The following KCNN3 variants were observed in gnomAD, a reference collection of about 807,000 sequenced individuals.
KCNN3 encodes the protein potassium calcium-activated channel subfamily N member 3, also known as small conductance calcium-activated potassium channel protein 3.
Under a neutral mutation model 62.9 loss-of-function variants are expected in KCNN3, and 16 were observed. The ratio of observed to expected loss-of-function variants is 0.25; its 90% CI spans 0.17 to 0.39. KCNN3 has a LOEUF of 0.39. Ranked by LOEUF, KCNN3 falls within the 10% of genes least tolerant of loss-of-function variation. KCNN3 has a pLI of 1.00. For missense variants in KCNN3, 599 were observed against 949.4 expected, an observed-to-expected ratio of 0.63 and a Z score of 4.85; for synonymous variants, 370 against 389.2, an observed-to-expected ratio of 0.95 and a Z score of 0.58.
chr1:154,780,837 G>C (rs1021806790), intron 2 of KCNN3, among the ~76,000 whole-genome samples: 2 of 152,102 alleles, frequency 1.3e-5, no homozygotes, highest in South Asian at 4.1e-4. Flanking sequence ...AGGGAGGCGG[G>C]TGGGGGTTGG....
chr1:154,717,729 G>A (rs1175188442), intron 5 of KCNN3, among the ~76,000 whole-genome samples: 5 of 152,198 alleles, frequency 3.3e-5, no homozygotes, highest in East Asian at 3.9e-4. Flanking sequence ...CCGTGCATTC[G>A]GGAAAGTGAT....
chr1:154,813,174 T>A (rs1242630684), intron 2 of KCNN3, among the ~76,000 whole-genome samples: 2 of 148,476 alleles, frequency 1.3e-5, no homozygotes, highest in Non-Finnish European at 3.0e-5. Flanking sequence ...GTTGCTGGGG[T>A]GGGAGCCCCT....
At chr1:154,726,681 C>T (rs1317401442) in intron 4 of KCNN3, among the ~76,000 whole-genome samples, 6 of 152,202 alleles carry the variant, frequency 3.9e-5, no homozygotes, top group African/African-American at 7.2e-5. Flanking sequence ...CACAAGGAAT[C>T]GGTTCCTTCC....
chr1:154,725,097 G>A lies in KCNN3; in HGVS notation c.1701+819C>T, dbSNP rs573982748. Among the ~76,000 whole-genome samples, 12 of 152,082 alleles carry A rather than the reference G, an allele frequency of 7.9e-5. No homozygotes were observed. The East Asian group carries it at 1.7e-3, about 22-fold the overall frequency. On this transcript the variant is annotated intron_variant, in intron 5 of 7. Transcript: ENST00000271915. The stretch of plus-strand genomic sequence containing the variant: ...TCTCGATCTCTTGACCTCATGCTCC[G>A]CCCGCCTCGGCCTCCCAAAGTGCTG...
intron 3 of KCNN3, among the ~76,000 whole-genome samples, chr1:154,741,144 G>C (rs1395546861): frequency 6.6e-6 from 1 of 152,138 alleles, no homozygotes; most frequent in African/African-American, 2.4e-5. Context: ...GTGAGGCAGG[G>C]ATACAACTTC....
intron 2 of KCNN3, 83 bp downstream of exon 2, chr1:154,822,006 G>C (rs569482759): frequency 4.6e-4 from 459 of 1,005,382 alleles, no homozygotes; most frequent in Middle Eastern, 1.0e-3. Context: ...AAGGGAGTGG[G>C]TTTTGGGGGT....
intron 3 of KCNN3, among the ~76,000 whole-genome samples, chr1:154,750,885 G>T (rs984669725): frequency 2.6e-5 from 4 of 152,190 alleles, no homozygotes; most frequent in Admixed American, 2.0e-4. Flanking sequence ...TTCCTGGGGC[G>T]GTGAGAGCAG....
At chr1:154,709,341 G>A (rs1700027374) in intron 7 of KCNN3, among the ~76,000 whole-genome samples, 1 of 152,154 alleles carries the variant, frequency 6.6e-6, no homozygotes, top group Non-Finnish European at 1.5e-5. Context: ...AGAGGGCCAG[G>A]CCGGTGGTTG....
intron 3 of KCNN3, among the ~76,000 whole-genome samples, chr1:154,734,306 C>T (rs1392412647): frequency 6.6e-6 from 1 of 152,180 alleles, no homozygotes; most frequent in East Asian, 1.9e-4. Context: ...TCCTCTTAAC[C>T]ACTTGGAGGC....
chr1:154,772,495 A>C lies in KCNN3; in HGVS notation c.1030-102T>G. 8.5e-7 allele frequency: 1 copy of C among 1,179,782 alleles called. No individual in the cohort carries two copies. Among genetic ancestry groups the C allele is most frequent in the South Asian group, 1.3e-5 (1 of 77,274 alleles). The allele number at this position is 1,179,782 out of a possible 1,614,324, so 73.1% of individuals were successfully genotyped here. On this transcript the variant is annotated intron_variant, in intron 2 of 7. Transcript: ENST00000271915. This position sits in a 1 kb window ranked among gnomAD's most constrained non-coding sequence, Gnocchi z 5.6. ...CAGGCTGGGGCAGGCTGCTGGGCTCAGGTCAGCCTGACCACCTCAGCATGC... is the reference window on the plus strand; with the variant it reads ...CAGGCTGGGGCAGGCTGCTGGGCTCCGGTCAGCCTGACCACCTCAGCATGC...
chr1:154,717,661 C>T (rs887666430), intron 5 of KCNN3, among the ~76,000 whole-genome samples: 15 of 151,816 alleles, frequency 9.9e-5, no homozygotes, highest in Admixed American at 8.5e-4. Flanking sequence ...AGTCACAGCA[C>T]GGCCCGGGTA....
chr1:154,799,317 A>C (rs947782858), intron 2 of KCNN3, among the ~76,000 whole-genome samples: 3 of 152,226 alleles, frequency 2.0e-5, no homozygotes, highest in African/African-American at 7.2e-5. Flanking sequence ...AGCCAGCATT[A>C]ATGCCAAATG....
chr1:154,869,788 CA>C lies in KCNN3; in HGVS notation c.176del (p.Leu59ArgfsTer117). 6.7e-7 allele frequency: 1 copy of C among 1,499,560 alleles called. No individual in the cohort carries two copies. The highest frequency in any genetic ancestry group is 1.2e-5 in the South Asian group (1 of 80,356). 92.9% of individuals were successfully genotyped at this position (1,499,560 alleles called of 1,614,324 possible). On this transcript the variant is annotated frameshift_variant, in exon 1 of 8. Coordinates refer to ENST00000271915, the MANE Select transcript of KCNN3 (RefSeq NM_002249.6). LOFTEE classifies it high-confidence loss of function. The surrounding 1 kb of genome is among the most constrained non-coding windows in gnomAD (Gnocchi z 6.1). ...GCTGAAGCTGCGGAGGCTGAGGCTG[CA>C]GCGAGGGTCCCAGGGGCTGCTGGGG... ...AAPQQPLGPS[L>X]QPQPPQLQQQ...
At chr1:154,853,367 A>C (rs1466413012) in intron 1 of KCNN3, among the ~76,000 whole-genome samples, 3 of 149,472 alleles carry the variant, frequency 2.0e-5, no homozygotes, top group Admixed American at 2.0e-4. Flanking sequence ...ACCAGGTCTC[A>C]CTCTATTCCC....
chr1:154,746,633 C>G (rs1700942747), intron 3 of KCNN3, among the ~76,000 whole-genome samples: 1 of 151,990 alleles, frequency 6.6e-6, no homozygotes, highest in Non-Finnish European at 1.5e-5. Context: ...CTCCACCTCC[C>G]TCTCATCTCT....
At chr1:154,751,788 G>T (rs1366768013) in intron 3 of KCNN3, among the ~76,000 whole-genome samples, 18 of 152,160 alleles carry the variant, frequency 1.2e-4, no homozygotes, top group Admixed American at 1.2e-3. Flanking sequence ...GAAGATGCTT[G>T]TTACACGTTG....
rs1444036864 is a variant in KCNN3 at position 154,827,435 on chromosome 1, C to T, written c.934-5251G>A. 2.6e-5 allele frequency among the ~76,000 whole-genome samples: 4 copies of T among 152,326 alleles called. No homozygotes were observed. In the East Asian group the frequency reaches 7.7e-4, roughly 29 times the overall value. Reference sequence around the variant, plus strand: ...TCTCACACTGTCCAGTTCTTGGGATCTTTCATTCTTACCCATCATCCTCAG... The same window carrying T: ...TCTCACACTGTCCAGTTCTTGGGATTTTTCATTCTTACCCATCATCCTCAG... On this transcript the variant is annotated intron_variant, in intron 1 of 7. Coordinates refer to ENST00000271915, the MANE Select transcript of KCNN3 (RefSeq NM_002249.6).
At position 154,858,699 on chromosome 1, in the gene KCNN3, A is replaced by T. The variant is rs533344663; in HGVS notation, c.933+10333T>A. Among the ~76,000 whole-genome samples the T allele has an allele frequency of 3.9e-5, 6 of 152,102 alleles. No individual in the cohort carries two copies. In the East Asian group the frequency reaches 1.2e-3, roughly 29 times the overall value. ...CCAGGATTCCAGCTATGCCCCTGCC[A>T]CTAACAATGCTGAGTAGCCTCGGAC... On this transcript the variant is annotated intron_variant, in intron 1 of 7. Coordinates refer to ENST00000271915, the MANE Select transcript of KCNN3 (RefSeq NM_002249.6).
At chr1:154,799,901 T>C (rs184897797) in intron 2 of KCNN3, among the ~76,000 whole-genome samples, 2 of 152,280 alleles carry the variant, frequency 1.3e-5, no homozygotes, top group Non-Finnish European at 1.5e-5. Flanking sequence ...GCATCCCACG[T>C]TGGGAGGCAG....
Sources: gnomAD v4.1 joint callset for allele counts (sites outside exome capture counted in the v4.1 genomes callset) on GRCh38, gnomAD v4.1.1 for gene constraint, Gnocchi (gnomAD v3.1) non-coding constraint, MANE v1.5 for transcripts, NCBI Gene and HGNC (gene_info 2026-07-23, HGNC 2026-07-21) for gene names.